Variants in MAST4 observed in about 807,000 individuals in gnomAD.
MAST4 encodes microtubule associated serine/threonine kinase family member 4.
A neutral mutation model predicts 162.7 loss-of-function variants in MAST4; 89 were observed. The observed-to-expected ratio is 0.55, with a 90% confidence interval of 0.46 to 0.65. The LOEUF is 0.65. Ranked by LOEUF, MAST4 falls within the 30% of genes least tolerant of loss-of-function variation. The probability of loss-of-function intolerance (pLI) is 0.00; values close to 1 mark genes in which losing one functional copy is unlikely to be tolerated. For missense variants in MAST4, 3,153 were observed against 3,374.0 expected (o/e 0.93, Z 1.62); for synonymous variants, 1,479 against 1,361.1 (o/e 1.09, Z -1.91).
intron 11 of MAST4, among the ~76,000 whole-genome samples, chr5:67,112,462 A>G (rs1420794260): frequency 1.3e-5 from 2 of 152,118 alleles, no homozygotes; most frequent in African/African-American, 4.8e-5. Context: ...CCTACTTCCA[A>G]TGCCAGTCGC....
At chr5:67,069,939 C>T (rs1451902572) in intron 5 of MAST4, among the ~76,000 whole-genome samples, 3 of 147,316 alleles carry the variant, frequency 2.0e-5, no homozygotes, top group African/African-American at 7.6e-5. Context: ...AAAGAACATG[C>T]CCTACTTCAG....
intron 3 of MAST4, among the ~76,000 whole-genome samples, chr5:66,812,627 G>A (rs768975771): frequency 2.6e-5 from 4 of 152,166 alleles, no homozygotes; most frequent in Non-Finnish European, 4.4e-5. Context: ...TGGGTCAGAC[G>A]GTTGAATTAG....
At chr5:66,897,970 T>C (rs1762788641) in intron 3 of MAST4, among the ~76,000 whole-genome samples, 1 of 152,234 alleles carries the variant, frequency 6.6e-6, no homozygotes, top group Non-Finnish European at 1.5e-5. Context: ...TTTCCTCTTA[T>C]ATCTTCTGAG....
chr5:66,785,339 T>C (rs948517297), intron 2 of MAST4, among the ~76,000 whole-genome samples: 7 of 152,228 alleles, frequency 4.6e-5, no homozygotes, highest in African/African-American at 1.7e-4. Context: ...CTTTTCTCTT[T>C]ATAAATAATA....
intron 1 of MAST4, among the ~76,000 whole-genome samples, chr5:66,749,658 G>T (rs1753011689): frequency 6.6e-6 from 1 of 152,004 alleles, no homozygotes. Flanking sequence ...TTTGTGCCAA[G>T]CACTGTCTTA....
rs527505669 is a variant in MAST4 at position 66,612,561 on chromosome 5, G to A, written c.363+15543G>A. 7.2e-4 allele frequency among the ~76,000 whole-genome samples: 109 copies of A among 152,180 alleles called. 1 individual carries two copies. The highest frequency in any genetic ancestry group is 1.4e-3 in the Non-Finnish European group (94 of 68,026). ...GAAGGAAGATGCAAAAGAAATAATA[G>A]ATCTGGTCAGGGCCTAAAGCAGCCT... is the stretch of plus-strand genomic sequence containing the variant. On this transcript the variant is annotated intron_variant, in intron 1 of 28. Transcript: ENST00000403625.
intron 24 of MAST4, among the ~76,000 whole-genome samples, chr5:67,150,501 T>C (rs1180742341): frequency 6.6e-6 from 1 of 152,198 alleles, no homozygotes; most frequent in Non-Finnish European, 1.5e-5. Flanking sequence ...TTTAGCACCA[T>C]AAAACAAACA....
intron 1 of MAST4, among the ~76,000 whole-genome samples, chr5:66,628,406 T>A (rs1405658183): frequency 6.7e-6 from 1 of 150,214 alleles, no homozygotes; most frequent in African/African-American, 2.5e-5. Flanking sequence ...AGATCAAAGA[T>A]GTAGGGGGAA....
At chr5:66,705,039 A>C (rs1247380136) in intron 1 of MAST4, among the ~76,000 whole-genome samples, 1 of 152,114 alleles carries the variant, frequency 6.6e-6, no homozygotes, top group East Asian at 1.9e-4. Context: ...AGCCACAGAA[A>C]TTGTTGCTCC....
chr5:66,656,738 T>A (rs1361203732), intron 1 of MAST4, among the ~76,000 whole-genome samples: 1 of 152,266 alleles, frequency 6.6e-6, no homozygotes. Context: ...TGCTGTGTCT[T>A]GACTTTATGA....
chr5:66,829,881 G>T (rs527833695), intron 3 of MAST4, among the ~76,000 whole-genome samples: 2 of 151,928 alleles, frequency 1.3e-5, no homozygotes, highest in African/African-American at 4.8e-5. Flanking sequence ...AGGATTATTT[G>T]CAGCTAAACA....
chr5:66,699,581 T>G (rs1311551880), intron 1 of MAST4, among the ~76,000 whole-genome samples: 1 of 152,094 alleles, frequency 6.6e-6, no homozygotes, highest in Non-Finnish European at 1.5e-5. Context: ...TGTGCAGCCA[T>G]AAAAAGGAAT....
At chr5:67,140,919 C>T (rs1208228730) in intron 19 of MAST4, among the ~76,000 whole-genome samples, 2 of 152,134 alleles carry the variant, frequency 1.3e-5, no homozygotes, top group Admixed American at 6.5e-5. Context: ...TCCATTTCCC[C>T]CCTTTTTGGG....
intron 5 of MAST4, among the ~76,000 whole-genome samples, chr5:67,069,454 C>A (rs1458887367): frequency 6.6e-6 from 1 of 151,702 alleles, no homozygotes; most frequent in Non-Finnish European, 1.5e-5. Flanking sequence ...TTTTAGTATT[C>A]CAGGTCTGAT....
chr5:67,142,715 C>T (rs1034260711), intron 21 of MAST4, 182 bp downstream of exon 21: 12 of 499,170 alleles, frequency 2.4e-5, no homozygotes, highest in African/African-American at 2.0e-4. Context: ...ATCCCCTAGG[C>T]CTTTAGACTG....
chr5:66,711,239 A>G (rs1750479511), intron 1 of MAST4, among the ~76,000 whole-genome samples: 1 of 152,208 alleles, frequency 6.6e-6, no homozygotes, highest in South Asian at 2.1e-4. Flanking sequence ...GTGACAAATT[A>G]TGACAAACTT....
At chr5:67,025,321 A>C (rs928652422) in intron 4 of MAST4, among the ~76,000 whole-genome samples, 5 of 152,224 alleles carry the variant, frequency 3.3e-5, no homozygotes, top group African/African-American at 1.2e-4. Flanking sequence ...TAATGAATAC[A>C]AATAAGTTTT....
intron 1 of MAST4, among the ~76,000 whole-genome samples, chr5:66,597,855 A>G (rs1742302450): frequency 6.6e-6 from 1 of 152,104 alleles, no homozygotes; most frequent in Non-Finnish European, 1.5e-5. Flanking sequence ...GAGGACAGTT[A>G]AAGAAGTGTA....
chr5:67,145,241 G>C lies in MAST4; in HGVS notation c.2956G>C (p.Glu986Gln), dbSNP rs55969676. The C allele has an allele frequency of 6.8e-6, 11 of 1,613,830 alleles. No individual in the cohort carries two copies. Among genetic ancestry groups the C allele is most frequent in the African/African-American group, 2.7e-5 (2 of 75,038 alleles). ...CAAACTGGCTATTTCAACAGAGGGA[G>C]AGCAAGATGAAGCTGCCTCCTGCCC... ...LPKLAISTEG[E>Q]QDEAASCPGD... is the part of the protein sequence containing the mutation. The change falls in exon 23 of 29, where the codon GAG (glutamate) becomes CAG (glutamine). Residue 986 changes from glutamate to glutamine, a missense_variant. Glu to Gln is a conservative substitution (Grantham distance 29). This residue lies in a region of MAST4 where 619 missense variants were observed against 744.2 expected (regional missense o/e 0.83). Transcript: ENST00000403625.
Sources: allele counts gnomAD v4.1 joint callset (sites outside exome capture counted in the v4.1 genomes callset), GRCh38; gene constraint gnomAD v4.1.1; regional missense constraint gnomAD v4.1.1; transcripts MANE v1.5; gene names NCBI Gene and HGNC (gene_info 2026-07-23, HGNC 2026-07-21).